Variants in NBAS observed in about 807,000 individuals in gnomAD.
The protein encoded by NBAS is NBAS subunit of NRZ tethering complex.
In NBAS, 219 loss-of-function variants were observed where a neutral mutation model predicts 302.5. The ratio of observed to expected loss-of-function variants is 0.72; its 90% CI spans 0.65 to 0.81. The LOEUF (loss-of-function observed/expected upper bound fraction) is 0.81, where lower values mean the gene tolerates loss of function less well. NBAS is among the 30% of genes least tolerant of loss of function. NBAS has a pLI of 0.00. For synonymous variants in NBAS, 1,118 were observed against 1,021.6 expected (o/e 1.09, Z -1.80); for missense variants, 2,932 against 2,841.6 (o/e 1.03, Z -0.72).
At chr2:15,203,566 A>G (rs1431406494) in intron 48 of NBAS, among the ~76,000 whole-genome samples, 1 of 152,210 alleles carries the variant, frequency 6.6e-6, no homozygotes, top group Admixed American at 6.5e-5. Context: ...ATGTCTACCT[A>G]TATTTTCTCC....
chr2:15,496,901 T>G (rs745489885), intron 11 of NBAS, among the ~76,000 whole-genome samples: 1 of 152,032 alleles, frequency 6.6e-6, no homozygotes, highest in South Asian at 2.1e-4. Flanking sequence ...TACAGAGTGC[T>G]CTAAGAGAGA....
chr2:15,366,654 C>T lies in NBAS; in HGVS notation c.3743G>A (p.Cys1248Tyr), dbSNP rs1674219529. ...ATAGCATGTGGGGGACTGGGAAATA[C>T]ACTCCTTGATGAGACTGATCCGATC... ...CPDRISLIKE[C>Y]ISQSPTCYKQ... Residue 1248 changes from cysteine to tyrosine, a missense_variant, in exon 32 of 52, where the codon TGT (cysteine) becomes TAT (tyrosine). Physicochemically the swap from Cys to Tyr is radical, Grantham distance 194. Transcript: ENST00000281513. 1.2e-6 allele frequency: 2 copies of T among 1,614,092 alleles called. No individual in the cohort carries two copies. The highest frequency in any genetic ancestry group is 1.3e-5 in the African/African-American group (1 of 75,028).
chr2:14,929,214 C>A, the NBAS span, among the ~76,000 whole-genome samples: 1 of 152,144 alleles, frequency 6.6e-6, no homozygotes, highest in Non-Finnish European at 1.5e-5. Flanking sequence ...TTCAGGAGCT[C>A]TCTAGGTAAG....
chr2:14,853,136 C>A, the NBAS span, among the ~76,000 whole-genome samples: 2 of 69,826 alleles, frequency 2.9e-5, no homozygotes, highest in Non-Finnish European at 5.2e-5. Flanking sequence ...GAACAGGCAA[C>A]CTACAACATG....
At chr2:14,961,069 T>C in the NBAS span, among the ~76,000 whole-genome samples, 2 of 152,212 alleles carry the variant, frequency 1.3e-5, no homozygotes, top group East Asian at 3.9e-4. Context: ...TGGCCTGGAA[T>C]TCCTCTTAGG....
At chr2:15,162,474 C>T (rs931893602), downstream of NBAS, among the ~76,000 whole-genome samples, 17 of 152,246 alleles carry the variant, frequency 1.1e-4, no homozygotes, top group Non-Finnish European at 2.1e-4. Flanking sequence ...GAAACTCACA[C>T]TCCAGTAGTC....
chr2:15,383,984 T>C lies in NBAS; in HGVS notation c.3258-667A>G, dbSNP rs551917191. Among the ~76,000 whole-genome samples, 29 of 152,230 alleles carry C rather than the reference T, an allele frequency of 1.9e-4. 1 individual carries two copies. The South Asian group carries it at 5.6e-3, about 29-fold the overall frequency. ...GTCGCTGGCATTGCTGTGTCCGGCG[T>C]AGGAAGAAGCTTCATGTCCTAAAAC... On this transcript the variant is annotated intron_variant, in intron 28 of 51. Transcript: ENST00000281513.
intron 23 of NBAS, among the ~76,000 whole-genome samples, chr2:15,418,978 A>G (rs1677077194): frequency 6.6e-6 from 1 of 152,202 alleles, no homozygotes; most frequent in African/African-American, 2.4e-5. Context: ...AATGTACATG[A>G]TGAACTGGAA....
chr2:14,960,055 C>T, the NBAS span, among the ~76,000 whole-genome samples: 1 of 152,108 alleles, frequency 6.6e-6, no homozygotes, highest in Non-Finnish European at 1.5e-5. Flanking sequence ...CTTGCTAGAA[C>T]TAAACTGCAC....
chr2:15,049,927 G>A, the NBAS span, among the ~76,000 whole-genome samples: 1 of 152,224 alleles, frequency 6.6e-6, no homozygotes. Flanking sequence ...GTCAAGCCAG[G>A]ACATGCTAGC....
the NBAS span, among the ~76,000 whole-genome samples, chr2:15,154,703 A>G: frequency 2.0e-5 from 3 of 152,184 alleles, no homozygotes; most frequent in African/African-American, 7.2e-5. Context: ...CCAGAACCCT[A>G]GTCATCAAGC....
intron 3 of NBAS, among the ~76,000 whole-genome samples, chr2:15,556,251 C>A (rs77633961): frequency 0.039 from 5,953 of 152,182 alleles, 359 homozygotes; most frequent in African/African-American, 0.13. Context: ...TTCTATAAAA[C>A]AATTCCTACA....
chr2:15,221,725 C>T (rs1414203560), intron 47 of NBAS, among the ~76,000 whole-genome samples: 1 of 152,036 alleles, frequency 6.6e-6, no homozygotes, highest in Non-Finnish European at 1.5e-5. Flanking sequence ...CAGAGAACAG[C>T]AAGAAAAAAC....
the NBAS span, among the ~76,000 whole-genome samples, chr2:14,782,379 A>G: frequency 6.6e-6 from 1 of 152,188 alleles, no homozygotes; most frequent in Non-Finnish European, 1.5e-5. Context: ...ACTGATCGTT[A>G]GAGAAATGCA....
At chr2:15,237,989 C>T (rs933758498) in intron 45 of NBAS, among the ~76,000 whole-genome samples, 6 of 152,074 alleles carry the variant, frequency 3.9e-5, no homozygotes, top group Non-Finnish European at 8.8e-5. Flanking sequence ...GTTGGTCAGA[C>T]TGGTCTCGAA....
At chr2:14,807,446 TGTGTGTGA>T in the NBAS span, among the ~76,000 whole-genome samples, 2 of 106,184 alleles carry the variant, frequency 1.9e-5, no homozygotes, top group African/African-American at 1.2e-4. Context: ...ATCCCGTGTG[TGTGTGTGA>T]GTGTGTGTGT....
At chr2:15,493,516 A>C (rs1002692247) in intron 11 of NBAS, among the ~76,000 whole-genome samples, 6 of 152,000 alleles carry the variant, frequency 3.9e-5, no homozygotes, top group African/African-American at 1.5e-4. Flanking sequence ...AAAATACAAA[A>C]ATTAGCCAGG....
chr2:15,191,904 G>A (rs1452509884), intron 48 of NBAS, among the ~76,000 whole-genome samples: 1 of 152,132 alleles, frequency 6.6e-6, no homozygotes, highest in Non-Finnish European at 1.5e-5. Flanking sequence ...GAGGTCCCTT[G>A]CATACGTAAA....
At chr2:15,084,799 C>A in the NBAS span, among the ~76,000 whole-genome samples, 10 of 152,146 alleles carry the variant, frequency 6.6e-5, no homozygotes, top group African/African-American at 2.4e-4. Flanking sequence ...GACCAAACTG[C>A]AGAACATTTA....
Sources: gnomAD v4.1 joint callset for allele counts (sites outside exome capture counted in the v4.1 genomes callset) on GRCh38, gnomAD v4.1.1 for gene constraint, MANE v1.5 for transcripts, NCBI Gene and HGNC (gene_info 2026-07-23, HGNC 2026-07-21) for gene names.